The following SLC36A2 variants were observed in gnomAD, a reference collection of about 807,000 sequenced individuals.
SLC36A2 encodes the protein proton-coupled amino acid transporter 2.
Under a neutral mutation model 42.7 loss-of-function variants are expected in SLC36A2, and 39 were observed. The observed-to-expected ratio is 0.91, with a 90% confidence interval of 0.71 to 1.19. The LOEUF is 1.19. SLC36A2 is among the 50% of genes most tolerant of loss of function. The pLI is 0.00. For synonymous variants in SLC36A2, 237 were observed against 240.8 expected (o/e 0.98, Z 0.15); for missense variants, 590 against 613.7 (o/e 0.96, Z 0.41).
At chr5:151,332,780 C>CTGTACACTAAAAG (rs1756034991) in intron 7 of SLC36A2, among the ~76,000 whole-genome samples, 1 of 152,188 alleles carries the variant, frequency 6.6e-6, no homozygotes, top group African/African-American at 2.4e-5. Context: ...GTGAATGTTA[C>CTGTACACTAAAAG]TGTATGTACA....
Position 151,316,583 on chromosome 5 carries a change from A to G in SLC36A2, c.*234T>C, listed in dbSNP as rs1282613564. On this transcript the variant is annotated 3_prime_UTR_variant, in exon 10 of 10. Coordinates refer to ENST00000335244, the MANE Select transcript of SLC36A2 (RefSeq NM_181776.3). ...TGGAGAAACCCCGTCTCTACTAAAA[A>G]TACAAAATTAGCCAGGCGTGCTGGA... 5 of 492,462 alleles carry G rather than the reference A, an allele frequency of 1.0e-5. No individual in the cohort carries two copies. The highest frequency in any genetic ancestry group is 3.5e-5 in the Admixed American group (1 of 28,872). 30.5% of individuals were successfully genotyped at this position (492,462 alleles called of 1,614,324 possible).
chr5:151,321,681 CT>C (rs56323943), intron 9 of SLC36A2, among the ~76,000 whole-genome samples: 81,152 of 134,834 alleles, frequency 0.6, 23,737 homozygotes, highest in East Asian at 0.96. Context: ...CTGACTGATT[CT>C]TTTTTTTTTT....
chr5:151,341,820 A>G (rs1756353948), intron 4 of SLC36A2, among the ~76,000 whole-genome samples: 1 of 152,134 alleles, frequency 6.6e-6, no homozygotes, highest in Admixed American at 6.5e-5. Context: ...CTCCACTTAA[A>G]TGTTTCTCAG....
At position 151,316,765 on chromosome 5, in the gene SLC36A2, A is replaced by AG; in HGVS notation, c.*51dup. The stretch of plus-strand genomic sequence containing the variant: ...CAAAAAAAAAAAAAAAAAAAAAAAG[A>AG]GATCCATATAATTAAAAGTCGGGTG... On this transcript the variant is annotated 3_prime_UTR_variant, in exon 10 of 10. Coordinates refer to ENST00000335244, the MANE Select transcript of SLC36A2 (RefSeq NM_181776.3). 2 of 1,198,408 alleles carry AG rather than the reference A, an allele frequency of 1.7e-6. No homozygotes were observed. Among genetic ancestry groups the AG allele is most frequent in the Non-Finnish European group, 2.4e-6 (2 of 832,014 alleles). 74.2% of individuals were successfully genotyped at this position (1,198,408 alleles called of 1,614,324 possible).
rs761971581 is a variant in SLC36A2 at position 151,338,961 on chromosome 5, A to G, written c.525+99T>C. 1.4e-5 allele frequency: 12 copies of G among 879,646 alleles called. No individual in the cohort carries two copies. In the African/African-American group the frequency reaches 1.7e-4, roughly 12 times the overall value. 54.5% of individuals were successfully genotyped at this position (879,646 alleles called of 1,614,324 possible). ...CATCTAGTTTAACTTCCTTTGTTAC[A>G]TTGATGAGGACCAGAGAGAAGAAGC... On this transcript the variant is annotated intron_variant, in intron 5 of 9. Coordinates refer to ENST00000335244, the MANE Select transcript of SLC36A2 (RefSeq NM_181776.3).
intron 9 of SLC36A2, among the ~76,000 whole-genome samples, chr5:151,320,215 G>A (rs1046596234): frequency 1.3e-5 from 2 of 152,054 alleles, no homozygotes; most frequent in Admixed American, 6.5e-5. Flanking sequence ...TCTGTGTGAA[G>A]CAGCAGCCAC....
Position 151,316,981 on chromosome 5 carries a change from TG to T in SLC36A2, c.1287del (p.Thr430ArgfsTer7). The T allele has an allele frequency of 6.2e-7, 1 of 1,613,996 alleles. No individual in the cohort carries two copies. The highest frequency in any genetic ancestry group is 8.5e-7 in the Non-Finnish European group (1 of 1,179,984). ...GGGCTCATGCCCTCTGAGTAGAACG[TG>T]GTGACCTCCAGGAGCGGTGGGATGA... is the stretch of plus-strand genomic sequence containing the variant. The part of the protein sequence containing the change: ...ALIIPPLLEV[T>X]TFYSEGMSPL... On this transcript the variant is annotated frameshift_variant, in exon 10 of 10. Transcript: ENST00000335244. LOFTEE classifies it high-confidence loss of function.
chr5:151,345,870 C>T (rs931838599), intron 1 of SLC36A2, among the ~76,000 whole-genome samples: 3 of 152,210 alleles, frequency 2.0e-5, no homozygotes, highest in African/African-American at 7.2e-5. Context: ...GCAGCCAACA[C>T]TTACAGACAC....
rs1223530780 is a variant in SLC36A2, at chr5:151,316,600, C to T, written c.*217G>A. On this transcript the variant is annotated 3_prime_UTR_variant, in exon 10 of 10. Transcript: ENST00000335244. The stretch of plus-strand genomic sequence containing the variant: ...TACTAAAAATACAAAATTAGCCAGG[C>T]GTGCTGGACTATGCCTCTAATCCCA... 25 of 543,650 alleles carry T rather than the reference C, an allele frequency of 4.6e-5. No homozygotes were observed. The highest frequency in any genetic ancestry group is 6.6e-5 in the Admixed American group (2 of 30,180). The allele number at this position is 543,650 out of a possible 1,614,324, so 33.7% of individuals were successfully genotyped here. A position where few individuals can be genotyped will look rare whatever the true frequency, so the allele number is the denominator to read the frequency against.
chr5:151,318,515 AAT>A (rs879878086), intron 9 of SLC36A2, among the ~76,000 whole-genome samples: 27,161 of 106,030 alleles, frequency 0.26, 3,385 homozygotes, highest in East Asian at 0.54. Flanking sequence ...ATAAATAATA[AAT>A]AAAAATATAA....
chr5:151,323,250 GATAGATAAATAA>G (rs144168857), intron 8 of SLC36A2, among the ~76,000 whole-genome samples: 10,763 of 120,346 alleles, frequency 0.089, 584 homozygotes, highest in African/African-American at 0.18. Context: ...TAAATAGATA[GATAGATAAATAA>G]ATAAATAAAT....
chr5:151,340,058 G>A (rs13355459), intron 4 of SLC36A2, among the ~76,000 whole-genome samples: 2 of 151,074 alleles, frequency 1.3e-5, no homozygotes, highest in African/African-American at 4.9e-5. Flanking sequence ...GAGGGACAAA[G>A]AGAGAGAGAA....
chr5:151,329,520 A>G (rs1359950994), intron 7 of SLC36A2, among the ~76,000 whole-genome samples: 3 of 152,248 alleles, frequency 2.0e-5, no homozygotes, highest in Non-Finnish European at 4.4e-5. Flanking sequence ...ACTTTAAAGC[A>G]GGTAATATAA....
At chr5:151,319,106 T>C (rs891881918) in intron 9 of SLC36A2, 12 of 951,124 alleles carry the variant, frequency 1.3e-5, no homozygotes, top group Non-Finnish European at 1.5e-5. Context: ...TTAGGTATTG[T>C]GATTCATTCT....
At chr5:151,324,586 C>T (rs753243483) in intron 8 of SLC36A2, among the ~76,000 whole-genome samples, 6 of 152,158 alleles carry the variant, frequency 3.9e-5, no homozygotes, top group Non-Finnish European at 8.8e-5. Flanking sequence ...CCCACCCTGG[C>T]CTCCCAAAGT....
intron 8 of SLC36A2, among the ~76,000 whole-genome samples, 181 bp from the exon 9 acceptor site, chr5:151,322,396 G>T (rs376234082): frequency 2.0e-5 from 3 of 152,178 alleles, no homozygotes; most frequent in African/African-American, 7.2e-5. Flanking sequence ...AGTGAAAATA[G>T]TGCGGTTCTG....
At chr5:151,340,712 C>T (rs1756321180) in intron 4 of SLC36A2, among the ~76,000 whole-genome samples, 2 of 152,160 alleles carry the variant, frequency 1.3e-5, no homozygotes, top group South Asian at 2.1e-4. Context: ...AAGGAAGATA[C>T]AACAAGAAGG....
Position 151,344,165 on chromosome 5 carries a change from C to G in SLC36A2, c.255+12G>C. ...CTGACCATAAAGCCCCCACATGTGG[C>G]GCCTCTCTTACCAGGATGCCCGCGT... On this transcript the variant is annotated intron_variant, in intron 2 of 9. Transcript: ENST00000335244. The G allele has an allele frequency of 6.2e-7, 1 of 1,612,590 alleles. No homozygotes were observed. Among genetic ancestry groups the G allele is most frequent in the Non-Finnish European group, 8.5e-7 (1 of 1,179,008 alleles).
rs990813093 is a variant in SLC36A2 at position 151,316,368 on chromosome 5, T to G, written c.*449A>C. On this transcript the variant is annotated 3_prime_UTR_variant, in exon 10 of 10. Coordinates refer to ENST00000335244, the MANE Select transcript of SLC36A2 (RefSeq NM_181776.3). ...AAAACAAAAATGTAAAAAATTACCA[T>G]TTAGAGCTTGTAGCTTTCTTGTTTC... is the stretch of plus-strand genomic sequence containing the variant. 2.3e-5 allele frequency: 4 copies of G among 170,400 alleles called. No individual in the cohort carries two copies. The highest frequency in any genetic ancestry group is 7.2e-5 in the African/African-American group (3 of 41,530). The allele number at this position is 170,400 out of a possible 1,614,324, so 10.6% of individuals were successfully genotyped here.
Sources: gnomAD v4.1 joint callset for allele counts (sites outside exome capture counted in the v4.1 genomes callset) on GRCh38, gnomAD v4.1.1 for gene constraint, MANE v1.5 for transcripts, NCBI Gene and HGNC (gene_info 2026-07-23, HGNC 2026-07-21) for gene names.